PTPRU: variants seen among roughly 807,000 people sequenced by gnomAD.
The protein encoded by PTPRU is receptor-type tyrosine-protein phosphatase U.
A neutral mutation model predicts 166.3 loss-of-function variants in PTPRU; 69 were observed. That is an observed-to-expected ratio of 0.41 (90% confidence interval 0.34 to 0.51). The LOEUF is 0.51. Ranked by LOEUF, PTPRU falls within the 20% of genes least tolerant of loss-of-function variation. PTPRU has a pLI of 0.09. For synonymous variants in PTPRU, 793 were observed against 814.0 expected, an observed-to-expected ratio of 0.97 and a Z score of 0.44; for missense variants, 1,657 against 2,013.7, an observed-to-expected ratio of 0.82 and a Z score of 3.39.
At chr1:29,297,255 A>C (rs907699804) in intron 15 of PTPRU, among the ~76,000 whole-genome samples, 1 of 151,626 alleles carries the variant, frequency 6.6e-6, no homozygotes, top group Non-Finnish European at 1.5e-5. Context: ...GGGTTTCACT[A>C]TGTTGGCCAG....
At chr1:29,251,016 C>T (rs1019867146) in intron 1 of PTPRU, among the ~76,000 whole-genome samples, 1 of 152,172 alleles carries the variant, frequency 6.6e-6, no homozygotes, top group African/African-American at 2.4e-5. Flanking sequence ...CTTTGGGAGG[C>T]CAAGGTGGAG....
At chr1:29,272,029 G>T (rs1225036478) in intron 7 of PTPRU, among the ~76,000 whole-genome samples, 2 of 152,152 alleles carry the variant, frequency 1.3e-5, no homozygotes, top group East Asian at 3.8e-4. Context: ...TAGACTCCCA[G>T]GACAGTGCAC....
chr1:29,261,851 GACTT>G (rs1685082172), intron 7 of PTPRU, among the ~76,000 whole-genome samples: 1 of 152,010 alleles, frequency 6.6e-6, no homozygotes, highest in African/African-American at 2.4e-5. Flanking sequence ...TTTTTTAATG[GACTT>G]ACTAAGATAA....
intron 7 of PTPRU, among the ~76,000 whole-genome samples, chr1:29,270,050 C>T (rs1199935731): frequency 2.6e-5 from 4 of 152,160 alleles, no homozygotes; most frequent in Admixed American, 2.6e-4. Context: ...CTTCTCCCCC[C>T]ACCCTGAGTT....
At chr1:29,283,099 C>T in intron 12 of PTPRU, 150 bp downstream of exon 12, 1 of 1,146,388 alleles carries the variant, frequency 8.7e-7, no homozygotes, top group Non-Finnish European at 1.2e-6. Flanking sequence ...AGCTCCTCCT[C>T]CTACAGCCCA....
Position 29,310,726 on chromosome 1 carries a change from C to T in PTPRU, c.2821-18C>T. 1.2e-6 allele frequency: 2 copies of T among 1,612,736 alleles called. No homozygotes were observed. The highest frequency in any genetic ancestry group is 1.7e-6 in the Non-Finnish European group (2 of 1,178,812). On this transcript the variant is annotated intron_variant, in intron 18 of 29. Coordinates refer to ENST00000373779, the MANE Select transcript of PTPRU (RefSeq NM_133178.4). ...GCTACTCCCTGGGGTCTAACCGTGCCCTCTCCTCCTGTTCCAGGGTTACCA... is the reference window on the plus strand; with the variant it reads ...GCTACTCCCTGGGGTCTAACCGTGCTCTCTCCTCCTGTTCCAGGGTTACCA...
intron 7 of PTPRU, among the ~76,000 whole-genome samples, chr1:29,272,773 G>T (rs1685616799): frequency 6.6e-6 from 1 of 151,902 alleles, no homozygotes; most frequent in Admixed American, 6.6e-5. Context: ...TGGGCTTGGT[G>T]GTACGCACCT....
In PTPRU at chr1:29,323,721, C is replaced by T. The variant is rs773027767; in HGVS notation, c.4045C>T (p.His1349Tyr). The change falls in exon 28 of 30, where the codon CAC becomes TAC. Residue 1349 changes from histidine (H) to tyrosine (Y), a missense_variant. His to Tyr is a moderately conservative substitution (Grantham distance 83, BLOSUM62 2). Transcript: ENST00000373779. ...DTPDSKKAFL[H>Y]LLAEVDKWQA... ...ACCTGACTCCAAGAAGGCCTTCTTG[C>T]ACCTGCTGGCTGAGGTGGACAAGTG... The T allele has an allele frequency of 9.9e-6, 16 of 1,614,040 alleles. No homozygotes were observed. The highest frequency in any genetic ancestry group is 1.7e-5 in the Admixed American group (1 of 60,004).
Position 29,249,167 on chromosome 1 carries a change from C to T in PTPRU, c.74-6108C>T, listed in dbSNP as rs367878634. ...CCATGAGTGCACGTGTGCACACACACACACGCACACCTGCACACACTCACA... is the reference window on the plus strand; with the variant it reads ...CCATGAGTGCACGTGTGCACACACATACACGCACACCTGCACACACTCACA... On this transcript the variant is annotated intron_variant, in intron 1 of 29. Transcript: ENST00000373779. 8.2e-4 allele frequency among the ~76,000 whole-genome samples: 95 copies of T among 115,910 alleles called. 1 individual carries two copies. Among genetic ancestry groups the T allele is most frequent in the African/African-American group, 2.9e-3 (91 of 31,886 alleles). The allele number at this position is 115,910 out of a possible 152,430, so 76.0% of individuals were successfully genotyped here. A position where few individuals can be genotyped will look rare whatever the true frequency, so the allele number is the denominator to read the frequency against.
Position 29,260,475 on chromosome 1 carries a change from TG to T in PTPRU, c.851-133del. 3.0e-6 allele frequency: 2 copies of T among 674,438 alleles called. No individual in the cohort carries two copies. The highest frequency in any genetic ancestry group is 3.4e-5 in the East Asian group (1 of 29,678). The allele number at this position is 674,438 out of a possible 1,614,324, so 41.8% of individuals were successfully genotyped here. ...TTTAGTGGGGGTAGGAGAGCGGGTC[TG>T]GTTGAGGGCTTGGTAGCAGCGTGAG... On this transcript the variant is annotated intron_variant, in intron 6 of 29. Transcript: ENST00000373779. The surrounding 1 kb of genome is among the most constrained non-coding windows in gnomAD (Gnocchi z 8.3).
At chr1:29,289,575 C>A in intron 14 of PTPRU, 1 of 1,370,396 alleles carries the variant, frequency 7.3e-7, no homozygotes, top group Non-Finnish European at 1.0e-6. Context: ...CCCTCCCCAG[C>A]CCGGGAGGTA....
At chr1:29,256,315 C>T (rs1420237916) in intron 2 of PTPRU, among the ~76,000 whole-genome samples, 1 of 152,162 alleles carries the variant, frequency 6.6e-6, no homozygotes, top group African/African-American at 2.4e-5. Flanking sequence ...GCCAAATTGT[C>T]AACTTTATTA....
chr1:29,311,007 T>G lies in PTPRU; in HGVS notation c.2857+227T>G, dbSNP rs1687629967. On this transcript the variant is annotated intron_variant, in intron 19 of 29. Transcript: ENST00000373779. The surrounding 1 kb of genome is among the most constrained non-coding windows in gnomAD (Gnocchi z 4.1). ...CCTCTTTGTGTTTGTGTCTCCCTGA[T>G]GTGCTCAGTCCATCTGTTGCTCCTG... 6.6e-6 allele frequency among the ~76,000 whole-genome samples: 1 copy of G among 152,192 alleles called. No homozygotes were observed. Among genetic ancestry groups the G allele is most frequent in the South Asian group, 2.1e-4 (1 of 4,830 alleles).
In PTPRU at chr1:29,315,051, G is replaced by A. The variant is rs911305156; in HGVS notation, c.3228-321G>A. 1.4e-4 allele frequency among the ~76,000 whole-genome samples: 21 copies of A among 152,138 alleles called. No individual in the cohort carries two copies. Among genetic ancestry groups the A allele is most frequent in the Admixed American group, 2.6e-4 (4 of 15,278 alleles). ...GTTTTCAGGAGGAAAGAACATTCTTGAATTAGCTCGGAGGATCATCATTCC... is the reference window on the plus strand; with the variant it reads ...GTTTTCAGGAGGAAAGAACATTCTTAAATTAGCTCGGAGGATCATCATTCC... On this transcript the variant is annotated intron_variant, in intron 22 of 29. Transcript: ENST00000373779. This position sits in a 1 kb window ranked among gnomAD's most constrained non-coding sequence, Gnocchi z 4.5.
At chr1:29,306,052 C>T (rs1687375771) in intron 18 of PTPRU, among the ~76,000 whole-genome samples, 1 of 152,180 alleles carries the variant, frequency 6.6e-6, no homozygotes, top group African/African-American at 2.4e-5. Context: ...GCGACTTGTC[C>T]CAGGTTGCAC....
intron 7 of PTPRU, among the ~76,000 whole-genome samples, chr1:29,268,535 T>C (rs1461741241): frequency 6.6e-6 from 1 of 152,252 alleles, no homozygotes; most frequent in Non-Finnish European, 1.5e-5. Context: ...AATCCCCGAT[T>C]CAGTCCTTAG....
Position 29,271,570 on chromosome 1 carries a change from A to C in PTPRU, c.1145-3878A>C, listed in dbSNP as rs1685556393. ...TGGGCCCTGTAAGGTGATTTGAAGA[A>C]GCTTGAGTAGGTTGCCAGTATTTAA... On this transcript the variant is annotated intron_variant, in intron 7 of 29. Transcript: ENST00000373779. The surrounding 1 kb of genome is among the most constrained non-coding windows in gnomAD (Gnocchi z 4.4). Among the ~76,000 whole-genome samples the C allele has an allele frequency of 1.3e-5, 2 of 152,200 alleles. No homozygotes were observed. Among genetic ancestry groups the C allele is most frequent in the African/African-American group, 4.8e-5 (2 of 41,454 alleles).
chr1:29,255,029 G>T (rs1368395508), intron 1 of PTPRU, among the ~76,000 whole-genome samples: 1 of 152,172 alleles, frequency 6.6e-6, no homozygotes, highest in East Asian at 1.9e-4. Context: ...TGGTTGGGGG[G>T]TCCTGGGAAG....
At position 29,264,790 on chromosome 1, in the gene PTPRU, G is replaced by A. The variant is rs778558912; in HGVS notation, c.1144+3887G>A. On this transcript the variant is annotated intron_variant, in intron 7 of 29. Transcript: ENST00000373779. ...CAAAGTGCTAGGATTATAGGCATGC[G>A]TGGCCAACTTCGTTCTTTTGTATGT... Among the ~76,000 whole-genome samples, 9 of 152,258 alleles carry A rather than the reference G, an allele frequency of 5.9e-5. No homozygotes were observed. In the South Asian group the frequency reaches 6.2e-4, roughly 11 times the overall value.
Sources: allele counts gnomAD v4.1 joint callset (sites outside exome capture counted in the v4.1 genomes callset), GRCh38; gene constraint gnomAD v4.1.1; non-coding constraint Gnocchi (gnomAD v3.1); transcripts MANE v1.5; gene names NCBI Gene and HGNC (gene_info 2026-07-23, HGNC 2026-07-21).